The following HABP2 variants were observed in gnomAD, a reference collection of about 807,000 sequenced individuals.
HABP2 encodes the protein hyaluronan binding protein 2.
A neutral mutation model predicts 66.5 loss-of-function variants in HABP2; 65 were observed. The observed-to-expected ratio is 0.98, with a 90% CI of 0.80 to 1.20. The LOEUF is 1.20. Ranked by LOEUF, HABP2 falls within the 50% of genes most tolerant of loss-of-function variation. The pLI is 0.00. For missense variants in HABP2, 786 were observed against 691.0 expected (o/e 1.14, Z -1.54); for synonymous variants, 263 against 253.9 (o/e 1.04, Z -0.34).
At chr10:113,587,086 G>A (rs539044557) in intron 12 of HABP2, among the ~76,000 whole-genome samples, 5 of 152,296 alleles carry the variant, frequency 3.3e-5, no homozygotes, top group East Asian at 1.9e-4. Context: ...AGGCTGAGGC[G>A]GGCAGATCAC....
Position 113,578,615 on chromosome 10 carries a change from G to GCT in HABP2, c.569-6_569-5dup. 1 of 1,600,818 alleles carries GCT rather than the reference G, an allele frequency of 6.2e-7. No homozygotes were observed. Among genetic ancestry groups the GCT allele is most frequent in the Non-Finnish European group, 8.5e-7 (1 of 1,170,762 alleles). On this transcript the variant is annotated splice_polypyrimidine_tract_variant and intron_variant, in intron 6 of 12. Transcript: ENST00000351270. The stretch of plus-strand genomic sequence containing the variant: ...GCTGTTGGTTCTCACATTGCTACCT[G>GCT]CTCTCTCGGAGGTTCTGATGACTGC...
upstream of HABP2, among the ~76,000 whole-genome samples, chr10:113,551,172 G>A (rs1013373367): frequency 6.6e-6 from 1 of 152,214 alleles, no homozygotes; most frequent in African/African-American, 2.4e-5. Flanking sequence ...AACTTATTGA[G>A]CGTCTATCCA....
At chr10:113,566,241 T>C (rs1346753038) in intron 1 of HABP2, among the ~76,000 whole-genome samples, 1 of 152,228 alleles carries the variant, frequency 6.6e-6, no homozygotes, top group Admixed American at 6.5e-5. Context: ...AAATGTCAGA[T>C]AGTAAATGTT....
chr10:113,576,786 C>T (rs1359482702), intron 4 of HABP2, among the ~76,000 whole-genome samples: 2 of 152,144 alleles, frequency 1.3e-5, no homozygotes, highest in Non-Finnish European at 2.9e-5. Flanking sequence ...AGTATAAACA[C>T]AGTGTCTGGG....
chr10:113,567,371 C>A, intron 1 of HABP2, 118 bp from the exon 2 acceptor site: 1 of 767,476 alleles, frequency 1.3e-6, no homozygotes, highest in Non-Finnish European at 2.3e-6. Context: ...CAGCCACAAC[C>A]ATCAGAAAGC....
In HABP2 at chr10:113,578,052, T is replaced by C. The variant is rs1565104477; in HGVS notation, c.475T>C (p.Cys159Arg). Residue 159 changes from cysteine to arginine, a missense_variant, in exon 6 of 13, where the codon TGC (cysteine) becomes CGC (arginine). Physicochemically the swap from Cys to Arg is radical, Grantham distance 180. Coordinates refer to ENST00000351270, the MANE Select transcript of HABP2 (RefSeq NM_004132.5). Reference sequence around the variant, plus strand: ...GGTTCCTGTATGCAGGCCAAACCCCTGCCAGAATGGGGCTACCTGCTCCCG... The same window carrying C: ...GGTTCCTGTATGCAGGCCAAACCCCCGCCAGAATGGGGCTACCTGCTCCCG... ...QVVPVCRPNP[C>R]QNGATCSRHK... The C allele has an allele frequency of 6.2e-7, 1 of 1,614,146 alleles. No homozygotes were observed. Among genetic ancestry groups the C allele is most frequent in the Admixed American group, 1.7e-5 (1 of 60,026 alleles).
At chr10:113,553,899 G>C (rs1844944069) in intron 1 of HABP2, among the ~76,000 whole-genome samples, 1 of 152,190 alleles carries the variant, frequency 6.6e-6, no homozygotes, top group South Asian at 2.1e-4. Context: ...TGGTCCAAGA[G>C]TGTCAGATGG....
At chr10:113,582,708 T>G (rs917224932) in intron 9 of HABP2, among the ~76,000 whole-genome samples, 1 of 152,216 alleles carries the variant, frequency 6.6e-6, no homozygotes, top group African/African-American at 2.4e-5. Context: ...ATGCCTCCTG[T>G]GTGCCTTAGA....
At position 113,572,810 on chromosome 10, in the gene HABP2, C is replaced by T. The variant is rs1008740569; in HGVS notation, c.107-1479C>T. On this transcript the variant is annotated intron_variant, in intron 2 of 12. Transcript: ENST00000351270. The stretch of plus-strand genomic sequence containing the variant: ...AATGAGCAAGCCAAGGGAGTCTTGA[C>T]TTGACACTGTGATAAATGAGGTGAA... 15 of 328,450 alleles carry T rather than the reference C, an allele frequency of 4.6e-5. No homozygotes were observed. In the Admixed American group the frequency reaches 4.7e-4, roughly 10 times the overall value. 20.3% of individuals were successfully genotyped at this position (328,450 alleles called of 1,614,324 possible).
At position 113,589,244 on chromosome 10, in the gene HABP2, G is replaced by T. The variant is rs1845785485; in HGVS notation, c.*875G>T. 8.2e-6 allele frequency: 5 copies of T among 606,716 alleles called. No homozygotes were observed. In the South Asian group the frequency reaches 1.1e-4, roughly 13 times the overall value. The allele number at this position is 606,716 out of a possible 1,614,324, so 37.6% of individuals were successfully genotyped here. The stretch of plus-strand genomic sequence containing the variant: ...CTCCCCAAGAAAAAGGGCCTTCAAG[G>T]CAGGAATGAGAAAGCAAAGCCAATC... On this transcript the variant is annotated 3_prime_UTR_variant, in exon 13 of 13. Transcript: ENST00000351270.
intron 11 of HABP2, among the ~76,000 whole-genome samples, chr10:113,584,747 C>T (rs1358969642): frequency 6.6e-6 from 1 of 152,168 alleles, no homozygotes; most frequent in African/African-American, 2.4e-5. Flanking sequence ...TTAAGTCAGC[C>T]CTTAGAAGAT....
chr10:113,582,399 T>G (rs1024271524), intron 9 of HABP2, among the ~76,000 whole-genome samples: 1 of 152,234 alleles, frequency 6.6e-6, no homozygotes, highest in African/African-American at 2.4e-5. Flanking sequence ...TTTATCTGTT[T>G]TATTAACTGT....
chr10:113,584,342 GCCAAACTCAACTGC>G, intron 11 of HABP2, 60 bp downstream of exon 11: 1 of 1,475,458 alleles, frequency 6.8e-7, no homozygotes, highest in Non-Finnish European at 9.4e-7. Flanking sequence ...GAGAAGAAAG[GCCAAACTCAACTGC>G]CCTTTTGAAG....
chr10:113,587,431 C>T (rs1299920437), intron 12 of HABP2, among the ~76,000 whole-genome samples: 1 of 152,176 alleles, frequency 6.6e-6, no homozygotes, highest in Non-Finnish European at 1.5e-5. Context: ...CTGTTTCTGT[C>T]TCTTACTGTA....
upstream of HABP2, among the ~76,000 whole-genome samples, chr10:113,551,647 A>C (rs1844900666): frequency 6.6e-6 from 1 of 152,164 alleles, no homozygotes; most frequent in Non-Finnish European, 1.5e-5. Context: ...CTCTACTAAA[A>C]ATACAAAAAT....
upstream of HABP2, among the ~76,000 whole-genome samples, chr10:113,552,106 A>T (rs1246925035): frequency 6.6e-6 from 1 of 152,150 alleles, no homozygotes; most frequent in Non-Finnish European, 1.5e-5. Flanking sequence ...TCAGAAGTAG[A>T]TGCAGCCACT....
In HABP2 at chr10:113,589,236, C is replaced by T; in HGVS notation, c.*867C>T. ...CTTCTACCCTCCCCAAGAAAAAGGG[C>T]CTTCAAGGCAGGAATGAGAAAGCAA... On this transcript the variant is annotated 3_prime_UTR_variant, in exon 13 of 13. Coordinates refer to ENST00000351270, the MANE Select transcript of HABP2 (RefSeq NM_004132.5). The T allele has an allele frequency of 6.5e-6, 4 of 616,804 alleles. No individual in the cohort carries two copies. Among genetic ancestry groups the T allele is most frequent in the Non-Finnish European group, 1.1e-5 (4 of 356,656 alleles). 38.2% of individuals were successfully genotyped at this position (616,804 alleles called of 1,614,324 possible). A position where few individuals can be genotyped will look rare whatever the true frequency, so the allele number is the denominator to read the frequency against.
intron 12 of HABP2, among the ~76,000 whole-genome samples, chr10:113,587,080 T>C (rs1845652539): frequency 6.6e-6 from 1 of 152,202 alleles, no homozygotes; most frequent in African/African-American, 2.4e-5. Context: ...TTTGGGAGGC[T>C]GAGGCGGGCA....
At chr10:113,565,013 A>AT (rs11575655) in intron 1 of HABP2, among the ~76,000 whole-genome samples, 7,186 of 152,038 alleles carry the variant, frequency 0.047, 586 homozygotes, top group African/African-American at 0.16. Context: ...CATCCAGCTA[A>AT]TTTTTTGTAC....
Sources: allele counts gnomAD v4.1 joint callset (sites outside exome capture counted in the v4.1 genomes callset), GRCh38; gene constraint gnomAD v4.1.1; transcripts MANE v1.5; gene names NCBI Gene and HGNC (gene_info 2026-07-23, HGNC 2026-07-21).